The following ZNF398 variants were observed in gnomAD, a reference collection of about 807,000 sequenced individuals.
ZNF398 encodes zinc finger DNA binding protein ZER6.
A neutral mutation model predicts 41.9 loss-of-function variants in ZNF398; 18 were observed. The observed-to-expected ratio is 0.43, with a 90% CI of 0.30 to 0.64. The LOEUF is 0.64. Among genes scored for constraint, ZNF398 ranks in the 30% least tolerant of loss-of-function variants. The pLI is 0.14. For missense variants in ZNF398, 669 were observed against 822.8 expected (o/e 0.81, Z 2.29); for synonymous variants, 260 against 308.8 (o/e 0.84, Z 1.66).
At chr7:149,126,443 C>G (rs1299586284) in exon 1 of ZNF398, 1 of 717,550 alleles carries the variant, frequency 1.4e-6, no homozygotes, top group Admixed American at 3.6e-5. Flanking sequence ...GGCCCGGGCA[C>G]CCTCCGTGCG....
chr7:149,151,171 TGTGGTGACAGCAGTTTACCTG>T, intron 1 of ZNF398: 1 of 1,087,098 alleles, frequency 9.2e-7, no homozygotes, highest in Non-Finnish European at 1.2e-6. Context: ...ACCATTGGTA[TGTGGTGACAGCAGTTTACCTG>T]GTGATTTCCT....
intron 2 of ZNF398, among the ~76,000 whole-genome samples, chr7:149,130,965 G>T (rs763725089): frequency 5.3e-5 from 8 of 152,184 alleles, no homozygotes; most frequent in Non-Finnish European, 1.0e-4. Flanking sequence ...GGTGGGTTAG[G>T]CAATCATGAT....
At chr7:149,176,061 G>A (rs1039781782) in intron 4 of ZNF398, among the ~76,000 whole-genome samples, 6 of 152,112 alleles carry the variant, frequency 3.9e-5, no homozygotes, top group African/African-American at 1.2e-4. Flanking sequence ...GGCCGGGCGC[G>A]GTGGCTCAAG....
chr7:149,136,471 A>G (rs1826716201), intron 2 of ZNF398, among the ~76,000 whole-genome samples: 1 of 152,212 alleles, frequency 6.6e-6, no homozygotes, highest in African/African-American at 2.4e-5. Flanking sequence ...TTTGTGTAAA[A>G]AGTGTAAGAG....
chr7:149,127,727 AAAAC>A (rs889408360), intron 1 of ZNF398, among the ~76,000 whole-genome samples: 11 of 150,928 alleles, frequency 7.3e-5, no homozygotes, highest in Non-Finnish European at 1.3e-4. Flanking sequence ...AAAAAAACCA[AAAAC>A]AAACAAACAA....
Position 149,147,778 on chromosome 7 carries a change from C to A in ZNF398, c.24+12C>A, listed in dbSNP as rs1046682498. The A allele has an allele frequency of 2.9e-6, 4 of 1,394,672 alleles. No homozygotes were observed. The highest frequency in any genetic ancestry group is 2.8e-6 in the Non-Finnish European group (3 of 1,072,148). The allele number at this position is 1,394,672 out of a possible 1,614,324, so 86.4% of individuals were successfully genotyped here. A position where few individuals can be genotyped will look rare whatever the true frequency, so the allele number is the denominator to read the frequency against. Reference sequence around the variant, plus strand: ...CGGCCCCGGCCCCGGTAAGGGCGGCCGCGCGCGAGTGTTGTGAGCCCCCGA... The same window carrying A: ...CGGCCCCGGCCCCGGTAAGGGCGGCAGCGCGCGAGTGTTGTGAGCCCCCGA... On this transcript the variant is annotated intron_variant, in intron 1 of 5. Coordinates refer to ENST00000475153, the MANE Select transcript of ZNF398 (RefSeq NM_170686.3). This position sits in a 1 kb window ranked among gnomAD's most constrained non-coding sequence, Gnocchi z 5.6.
Position 149,179,156 on chromosome 7 carries a change from C to T in ZNF398, c.1284C>T (p.Pro428=), listed in dbSNP as rs765905027. 2.5e-6 allele frequency: 4 copies of T among 1,614,016 alleles called. No homozygotes were observed. In the East Asian group the frequency reaches 6.7e-5, roughly 27 times the overall value. The change falls in exon 6 of 6, where the codon CCC becomes CCT. Residue 428 remains proline, a synonymous_variant. Coordinates refer to ENST00000475153, the MANE Select transcript of ZNF398 (RefSeq NM_170686.3). This position sits in a 1 kb window ranked among gnomAD's most constrained non-coding sequence, Gnocchi z 6.1. The stretch of plus-strand genomic sequence containing the variant: ...ATAACAGCACTGAGCGTCCTTTCCC[C>T]TGTCCTGATTGCCCCAAGCGCTTTG... ...RVHNSTERPF[P]CPDCPKRFAD...
intron 2 of ZNF398, among the ~76,000 whole-genome samples, chr7:149,129,889 C>T (rs921507752): frequency 6.6e-6 from 1 of 152,130 alleles, no homozygotes; most frequent in South Asian, 2.1e-4. Context: ...CAACCTCCGC[C>T]TCCCAGGTTC....
chr7:149,174,199 C>T (rs946551344), intron 4 of ZNF398, among the ~76,000 whole-genome samples: 1 of 152,132 alleles, frequency 6.6e-6, no homozygotes, highest in African/African-American at 2.4e-5. Context: ...GTCAGCTTGT[C>T]CTTTGAAGCC....
intron 2 of ZNF398, among the ~76,000 whole-genome samples, chr7:149,155,696 TATATATATA>T (rs1384398814): frequency 1.3e-4 from 4 of 29,688 alleles, no homozygotes; most frequent in African/African-American, 3.6e-4. Flanking sequence ...TATATATATA[TATATATATA>T]TATTTTTTTT....
At chr7:149,130,334 G>A (rs1585498908) in intron 2 of ZNF398, among the ~76,000 whole-genome samples, 1 of 152,184 alleles carries the variant, frequency 6.6e-6, no homozygotes, top group East Asian at 1.9e-4. Context: ...AACCTCAAGT[G>A]ATCCGCCTGC....
Position 149,136,569 on chromosome 7 carries a change from C to CT in ZNF398, c.-490+7634dup, listed in dbSNP as rs1002540921. Among the ~76,000 whole-genome samples the CT allele has an allele frequency of 2.4e-4, 36 of 151,318 alleles. No individual in the cohort carries two copies. The South Asian group carries it at 5.7e-3, about 24-fold the overall frequency. On this transcript the variant is annotated intron_variant, in intron 2 of 6. Transcript: ENST00000426851. ...AACTTTTTCTATCTTCATTTAAGTG[C>CT]TTTTTTTTTCTTTTTTGAGATGGAG...
chr7:149,150,514 G>A (rs34578816), intron 1 of ZNF398, among the ~76,000 whole-genome samples: 81,387 of 151,866 alleles, frequency 0.54, 25,301 homozygotes, highest in East Asian at 0.9. Flanking sequence ...TGGGAGAATC[G>A]CTTGAGCCCA....
chr7:149,128,780 T>TAAAATAAAATAAAATTA lies in ZNF398; in HGVS notation c.-611-43_-611-42insAAAATAAAATAAAATTA, dbSNP rs71192757. 268 of 143,408 alleles carry TAAAATAAAATAAAATTA rather than the reference T, an allele frequency of 1.9e-3. 1 individual carries two copies. Among genetic ancestry groups the TAAAATAAAATAAAATTA allele is most frequent in the African/African-American group, 6.1e-3 (231 of 37,806 alleles). The allele number at this position is 143,408 out of a possible 1,614,324, so 8.9% of individuals were successfully genotyped here. On this transcript the variant is annotated intron_variant, in intron 1 of 6. Coordinates refer to the ZNF398 transcript ENST00000426851. Reference sequence around the variant, plus strand: ...AAAAATAAAATAAAATAAAATAAAATTATATATATATATATATTGTTTGTT... The same window carrying TAAAATAAAATAAAATTA: ...AAAAATAAAATAAAATAAAATAAAATAAAATAAAATAAAATTATATATATATATATATATTGTTTGTT...
At chr7:149,169,644 G>C (rs1795290500) in intron 4 of ZNF398, among the ~76,000 whole-genome samples, 1 of 152,092 alleles carries the variant, frequency 6.6e-6, no homozygotes, top group Non-Finnish European at 1.5e-5. Context: ...TGGAGATGGG[G>C]GTTTGCCATG....
chr7:149,157,785 C>G (rs1348730214), intron 2 of ZNF398, among the ~76,000 whole-genome samples: 2 of 149,828 alleles, frequency 1.3e-5, no homozygotes, highest in African/African-American at 5.0e-5. Flanking sequence ...TCGCAGTGAG[C>G]CGAGATCGTG....
chr7:149,167,559 C>T (rs1036524219), intron 4 of ZNF398, among the ~76,000 whole-genome samples: 4 of 152,018 alleles, frequency 2.6e-5, no homozygotes, highest in African/African-American at 9.7e-5. Flanking sequence ...GTTGATCCTC[C>T]GGGCATCTCT....
chr7:149,155,293 G>A (rs752980042), intron 2 of ZNF398, among the ~76,000 whole-genome samples: 22 of 152,012 alleles, frequency 1.4e-4, no homozygotes, highest in Non-Finnish European at 2.8e-4. Flanking sequence ...GGTGGTGGGC[G>A]CCTTTAATCC....
rs1563167945 is a variant in ZNF398, at chr7:149,179,241, T to C, written c.1369T>C (p.Cys457Arg). 1 of 1,613,404 alleles carries C rather than the reference T, an allele frequency of 6.2e-7. No homozygotes were observed. Among genetic ancestry groups the C allele is most frequent in the Non-Finnish European group, 8.5e-7 (1 of 1,180,016 alleles). ...TCATGCAAGCGAAAGGCCCTTCCGC[T>C]GTGCCCAGTGCGGCAGGAGCTTCAG... ...RAHASERPFR[C>R]AQCGRSFSLK... The change falls in exon 6 of 6, where the codon TGT becomes CGT. Residue 457 changes from cysteine (C) to arginine (R), a missense_variant. Transcript: ENST00000475153. The surrounding 1 kb of genome is among the most constrained non-coding windows in gnomAD (Gnocchi z 6.1).
Sources: allele counts gnomAD v4.1 joint callset (sites outside exome capture counted in the v4.1 genomes callset), GRCh38; gene constraint gnomAD v4.1.1; non-coding constraint Gnocchi (gnomAD v3.1); transcripts MANE v1.5; gene names NCBI Gene and HGNC (gene_info 2026-07-23, HGNC 2026-07-21).